The following PTPRQ variants were observed in gnomAD, a reference collection of about 807,000 sequenced individuals.
PTPRQ encodes the protein phosphatidylinositol phosphatase PTPRQ.
A neutral mutation model predicts 246.0 loss-of-function variants in PTPRQ; 199 were observed. The observed-to-expected ratio is 0.81, with a 90% CI of 0.72 to 0.91. PTPRQ has a LOEUF of 0.91. PTPRQ is among the 40% of genes least tolerant of loss of function. PTPRQ has a pLI of 0.00. For missense variants in PTPRQ, 2,624 were observed against 2,528.4 expected (o/e 1.04, Z -0.81); for synonymous variants, 869 against 853.2 (o/e 1.02, Z -0.32).
intron 35 of PTPRQ, among the ~76,000 whole-genome samples, chr12:80,639,519 A>C (rs547068535): frequency 1.3e-5 from 2 of 152,328 alleles, no homozygotes; most frequent in South Asian, 4.1e-4. Context: ...AATAGAATTA[A>C]AATTCACAAG....
intron 25 of PTPRQ, among the ~76,000 whole-genome samples, chr12:80,573,381 C>T (rs1368695405): frequency 1.3e-5 from 2 of 151,574 alleles, no homozygotes; most frequent in Non-Finnish European, 2.9e-5. Flanking sequence ...CCCAGCTACT[C>T]GGGAGGCTGA....
At chr12:80,615,578 ATGTGTATATGC>A (rs1384075691) in intron 29 of PTPRQ, among the ~76,000 whole-genome samples, 2 of 151,104 alleles carry the variant, frequency 1.3e-5, no homozygotes, top group East Asian at 3.9e-4. Flanking sequence ...GAAATGTTTT[ATGTGTATATGC>A]TGCATTATGC....
chr12:80,635,088 C>T lies in PTPRQ; in HGVS notation c.5915+15C>T. On this transcript the variant is annotated intron_variant, in intron 35 of 44. Transcript: ENST00000644991. Reference sequence around the variant, plus strand: ...AGATTAACGCGGTGAGCACACTCCTCTGGGTGAACTGTGGTCCAGAGGGCC... The same window carrying T: ...AGATTAACGCGGTGAGCACACTCCTTTGGGTGAACTGTGGTCCAGAGGGCC... 1.3e-6 allele frequency: 2 copies of T among 1,548,922 alleles called. No individual in the cohort carries two copies. Among genetic ancestry groups the T allele is most frequent in the Middle Eastern group, 1.7e-4 (1 of 5,976 alleles).
In PTPRQ at chr12:80,549,452, T is replaced by C; in HGVS notation, c.4016-13T>C. ...TATACACTTTAACTTTGGGCATATGTTTATCTCTTAAGTTCCAGATGTCGT... is the reference window on the plus strand; with the variant it reads ...TATACACTTTAACTTTGGGCATATGCTTATCTCTTAAGTTCCAGATGTCGT... On this transcript the variant is annotated splice_polypyrimidine_tract_variant and intron_variant, in intron 24 of 44. Transcript: ENST00000644991. The C allele has an allele frequency of 6.5e-7, 1 of 1,533,684 alleles. No individual in the cohort carries two copies. Among genetic ancestry groups the C allele is most frequent in the Non-Finnish European group, 8.8e-7 (1 of 1,137,038 alleles).
At chr12:80,629,185 A>C (rs113806609) in intron 33 of PTPRQ, among the ~76,000 whole-genome samples, 4 of 147,712 alleles carry the variant, frequency 2.7e-5, no homozygotes, top group Non-Finnish European at 4.5e-5. Flanking sequence ...GAGAGAGAGA[A>C]AGAGAGAGAG....
At chr12:80,511,348 G>A (rs1330003655) in intron 17 of PTPRQ, among the ~76,000 whole-genome samples, 1 of 152,028 alleles carries the variant, frequency 6.6e-6, no homozygotes, top group South Asian at 2.1e-4. Flanking sequence ...TAGTCGTGAC[G>A]AAAGTGGGAG....
chr12:80,590,273 A>G (rs75406360), intron 26 of PTPRQ, among the ~76,000 whole-genome samples: 2 of 152,144 alleles, frequency 1.3e-5, no homozygotes, highest in South Asian at 4.2e-4. Flanking sequence ...CATTAGTACA[A>G]CTCTTCATTA....
rs576754819 is a variant in PTPRQ, at chr12:80,486,362, T to A, written c.1359+1757T>A. On this transcript the variant is annotated intron_variant, in intron 9 of 44. Coordinates refer to ENST00000644991, the MANE Select transcript of PTPRQ (RefSeq NM_001145026.2). ...CTTTACTTCTCTGATTATATCTTTC[T>A]TTATTAGATCAGACTCATTTCTGAT... Among the ~76,000 whole-genome samples, 415 of 152,270 alleles carry A rather than the reference T, an allele frequency of 2.7e-3. 4 individuals are homozygous for A. Among genetic ancestry groups the A allele is most frequent in the African/African-American group, 9.5e-3 (393 of 41,580 alleles).
intron 35 of PTPRQ, among the ~76,000 whole-genome samples, chr12:80,637,645 A>T (rs1899706518): frequency 6.6e-6 from 1 of 152,244 alleles, no homozygotes; most frequent in Admixed American, 6.5e-5. Context: ...TCTTCAGTAC[A>T]GAGATCTGTG....
At position 80,552,645 on chromosome 12, in the gene PTPRQ, TTATATATATATATATATATATATATATA is replaced by T. The variant is rs71094985; in HGVS notation, c.4285+2933_4285+2960del. On this transcript the variant is annotated intron_variant, in intron 25 of 44. Coordinates refer to ENST00000644991, the MANE Select transcript of PTPRQ (RefSeq NM_001145026.2). The stretch of plus-strand genomic sequence containing the variant: ...TCCAGGTCTTTGTAAAAAAAAAAAA[TTATATATATATATATATATATATATATA>T]TATATATATATATATATATATTTGG... 4.2e-4 allele frequency among the ~76,000 whole-genome samples: 32 copies of T among 76,474 alleles called. 1 individual carries two copies. The highest frequency in any genetic ancestry group is 1.2e-3 in the East Asian group (2 of 1,718). 50.2% of individuals were successfully genotyped at this position (76,474 alleles called of 152,430 possible).
chr12:80,590,666 CAAAAAAAA>C (rs35640802), intron 26 of PTPRQ, among the ~76,000 whole-genome samples: 1 of 57,826 alleles, frequency 1.7e-5, no homozygotes, highest in Non-Finnish European at 3.6e-5. Context: ...GACTCCGTCT[CAAAAAAAA>C]AAAAAAAAAA....
intron 3 of PTPRQ, among the ~76,000 whole-genome samples, chr12:80,456,799 G>A (rs1000378303): frequency 2.0e-5 from 3 of 152,106 alleles, no homozygotes; most frequent in Non-Finnish European, 2.9e-5. Context: ...GAAAAATCCT[G>A]TTAAGTATTT....
chr12:80,591,284 AC>A (rs1897794252), intron 26 of PTPRQ, among the ~76,000 whole-genome samples: 1 of 151,718 alleles, frequency 6.6e-6, no homozygotes, highest in Non-Finnish European at 1.5e-5. Flanking sequence ...CGCCACTGTG[AC>A]CAGCTAATTT....
Position 80,670,446 on chromosome 12 carries a change from C to A in PTPRQ, c.6556C>A (p.Arg2186=). The change falls in exon 42 of 45, where the codon CGA becomes AGA. Residue 2186 remains arginine (R), a synonymous_variant. Transcript: ENST00000644991. ...TCTAATTCACTTTGTGAAGTTGGTT[C>A]GAGCAAGCAGGGCACATGACACCAC... ...APLIHFVKLV[R]ASRAHDTTPM... is the part of the protein sequence containing the mutation. 2 of 1,551,196 alleles carry A rather than the reference C, an allele frequency of 1.3e-6. No homozygotes were observed. Among genetic ancestry groups the A allele is most frequent in the Non-Finnish European group, 1.7e-6 (2 of 1,146,584 alleles).
chr12:80,604,018 C>A (rs865968262), intron 26 of PTPRQ, among the ~76,000 whole-genome samples: 1 of 151,438 alleles, frequency 6.6e-6, no homozygotes, highest in Non-Finnish European at 1.5e-5. Flanking sequence ...AAACTGAGGT[C>A]CAAACATTTT....
intron 18 of PTPRQ, 25 bp downstream of exon 18, chr12:80,534,200 AAAAG>A: frequency 6.9e-7 from 1 of 1,444,054 alleles, no homozygotes; most frequent in Non-Finnish European, 9.1e-7. Flanking sequence ...TATGCCAATT[AAAAG>A]AATGTTCTTT....
At chr12:80,534,469 A>C (rs1396948955) in intron 18 of PTPRQ, among the ~76,000 whole-genome samples, 1 of 152,084 alleles carries the variant, frequency 6.6e-6, no homozygotes, top group Non-Finnish European at 1.5e-5. Flanking sequence ...AAGTTACTTG[A>C]CAAATAGAAT....
intron 26 of PTPRQ, among the ~76,000 whole-genome samples, chr12:80,594,039 A>G (rs915280752): frequency 3.9e-5 from 6 of 152,194 alleles, no homozygotes; most frequent in African/African-American, 1.4e-4. Flanking sequence ...AAAAAATTCA[A>G]CAAAACATGC....
chr12:80,673,201 C>T lies in PTPRQ; in HGVS notation c.6635C>T (p.Ala2212Val), dbSNP rs1377757419. ...AGVGRTGVFIALDHLTQHIND... is the reference protein window; with the variant it reads ...AGVGRTGVFIVLDHLTQHIND... ...GTTGGAAGAACTGGAGTTTTTATTG[C>T]TCTGGACCATTTAACACAACATATA... Residue 2212 changes from alanine to valine, a missense_variant, in exon 43 of 45, where the codon GCT becomes GTT. Ala to Val is a moderately conservative substitution (Grantham distance 64, BLOSUM62 0). Coordinates refer to ENST00000644991, the MANE Select transcript of PTPRQ (RefSeq NM_001145026.2). 3.9e-6 allele frequency: 6 copies of T among 1,550,780 alleles called. No homozygotes were observed. The highest frequency in any genetic ancestry group is 5.2e-6 in the Non-Finnish European group (6 of 1,146,426).
Sources: allele counts gnomAD v4.1 joint callset (sites outside exome capture counted in the v4.1 genomes callset), GRCh38; gene constraint gnomAD v4.1.1; transcripts MANE v1.5; gene names NCBI Gene and HGNC (gene_info 2026-07-23, HGNC 2026-07-21).